Variants in CALN1 observed in about 807,000 individuals in gnomAD.
CALN1 encodes the protein calneuron 1, also known as calcium-binding protein 8.
CALN1 carries 17 observed loss-of-function variants against 30.6 expected under a neutral mutation model. The ratio of observed to expected loss-of-function variants is 0.56; its 90% CI spans 0.38 to 0.83. CALN1 has a LOEUF of 0.83. Ranked by LOEUF, CALN1 falls within the 40% of genes least tolerant of loss-of-function variation. The probability of loss-of-function intolerance (pLI) is 0.00; values close to 1 mark genes in which losing one functional copy is unlikely to be tolerated. For missense variants in CALN1, 291 were observed against 354.9 expected (o/e 0.82, Z 1.45); for synonymous variants, 156 against 131.4 (o/e 1.19, Z -1.28).
At chr7:72,339,254 T>A (rs1802273300) in intron 2 of CALN1, among the ~76,000 whole-genome samples, 1 of 152,188 alleles carries the variant, frequency 6.6e-6, no homozygotes, top group South Asian at 2.1e-4. Flanking sequence ...TCTTAACTAT[T>A]ATAAACAGTG....
chr7:72,219,362 A>C (rs1279333038), intron 3 of CALN1, among the ~76,000 whole-genome samples: 1 of 152,120 alleles, frequency 6.6e-6, no homozygotes, highest in Non-Finnish European at 1.5e-5. Flanking sequence ...AGCAGCTAGG[A>C]CTACAGGTGC....
intron 4 of CALN1, among the ~76,000 whole-genome samples, chr7:72,099,059 G>C (rs753300840): frequency 6.6e-6 from 1 of 152,160 alleles, no homozygotes; most frequent in Admixed American, 6.5e-5. Flanking sequence ...TTCCAGCCGG[G>C]CCTCGTGCCG....
At chr7:71,893,360 T>C (rs1043204765) in intron 5 of CALN1, among the ~76,000 whole-genome samples, 5 of 152,148 alleles carry the variant, frequency 3.3e-5, no homozygotes, top group Admixed American at 1.3e-4. Flanking sequence ...GGAGAAACCC[T>C]ATTTTAAACT....
the CALN1 span, among the ~76,000 whole-genome samples, chr7:72,496,038 A>T: frequency 6.6e-6 from 1 of 152,182 alleles, no homozygotes; most frequent in Admixed American, 6.5e-5. Context: ...CTCCTGCCTC[A>T]GTCTCCCAAG....
chr7:71,869,646 G>C (rs1289202140), intron 5 of CALN1, among the ~76,000 whole-genome samples: 1 of 152,154 alleles, frequency 6.6e-6, no homozygotes, highest in Admixed American at 6.5e-5. Context: ...TTGAAGTCTA[G>C]AGTGGGCAAA....
chr7:71,913,098 C>G (rs562968383), intron 5 of CALN1, among the ~76,000 whole-genome samples: 20 of 152,188 alleles, frequency 1.3e-4, no homozygotes, highest in African/African-American at 2.2e-4. Flanking sequence ...AGGAAAAGAA[C>G]AAGACCAGGA....
the CALN1 span, among the ~76,000 whole-genome samples, chr7:72,499,312 T>G: frequency 1.3e-5 from 2 of 152,172 alleles, no homozygotes; most frequent in Non-Finnish European, 2.9e-5. Context: ...ATTACAGGCA[T>G]GAGCCACTAT....
intron 4 of CALN1, among the ~76,000 whole-genome samples, chr7:72,031,389 A>G (rs1801427178): frequency 6.6e-6 from 1 of 152,218 alleles, no homozygotes; most frequent in African/African-American, 2.4e-5. Flanking sequence ...TGTGCCAGGC[A>G]CTGAGCTCAG....
At chr7:71,937,337 C>T (rs1260003504) in intron 5 of CALN1, among the ~76,000 whole-genome samples, 1 of 151,450 alleles carries the variant, frequency 6.6e-6, no homozygotes, top group Admixed American at 6.6e-5. Flanking sequence ...AAAAAAAAAC[C>T]CCATACGTAT....
Position 71,787,405 on chromosome 7 carries a change from T to TA in CALN1, c.*369_*370insT. On this transcript the variant is annotated 3_prime_UTR_variant, in exon 7 of 7. Coordinates refer to ENST00000395275, the MANE Select transcript of CALN1 (RefSeq NM_031468.4). ...AGAATGGGGAGTGGAGGTGACTGTG[T>TA]GTTCATGCCTCTCTCTTGCTCTCTC... is the stretch of plus-strand genomic sequence containing the variant. 9.2e-5 allele frequency: 18 copies of TA among 194,928 alleles called. No individual in the cohort carries two copies. The highest frequency in any genetic ancestry group is 4.2e-4 in the South Asian group (4 of 9,534). The allele number at this position is 194,928 out of a possible 1,614,324, so 12.1% of individuals were successfully genotyped here.
At chr7:71,907,940 A>G (rs758232266) in intron 5 of CALN1, among the ~76,000 whole-genome samples, 2 of 152,260 alleles carry the variant, frequency 1.3e-5, no homozygotes, top group Non-Finnish European at 2.9e-5. Flanking sequence ...ATGTGTATGC[A>G]TATGCGTGTG....
intron 2 of CALN1, chr7:72,336,945 C>T (rs1802100307): frequency 3.0e-6 from 3 of 985,092 alleles, no homozygotes; most frequent in South Asian, 4.7e-5. Context: ...CTGCACGAGC[C>T]CCCTCGTCGA....
chr7:71,876,568 G>A (rs886985505), intron 5 of CALN1, among the ~76,000 whole-genome samples: 1 of 152,016 alleles, frequency 6.6e-6, no homozygotes, highest in Non-Finnish European at 1.5e-5. Context: ...CATAAATGAG[G>A]GTATAGAGCT....
chr7:72,032,517 G>A (rs1001744334), intron 4 of CALN1, among the ~76,000 whole-genome samples: 1 of 152,114 alleles, frequency 6.6e-6, no homozygotes, highest in African/African-American at 2.4e-5. Context: ...CCCCCGTATT[G>A]TACTGCCTTC....
At chr7:71,986,094 C>G (rs1188616054) in intron 5 of CALN1, among the ~76,000 whole-genome samples, 5 of 151,882 alleles carry the variant, frequency 3.3e-5, no homozygotes, top group African/African-American at 1.2e-4. Context: ...TGCACCTAGG[C>G]TGGAGTGCAG....
chr7:72,315,231 AT>A (rs558688877), intron 2 of CALN1, among the ~76,000 whole-genome samples: 307 of 151,132 alleles, frequency 2.0e-3, no homozygotes, highest in Non-Finnish European at 3.1e-3. Context: ...AACATAGAAA[AT>A]TTTGCAACAT....
chr7:72,399,313 C>CA (rs1483172235), intron 2 of CALN1, among the ~76,000 whole-genome samples: 1 of 141,880 alleles, frequency 7.0e-6, no homozygotes, highest in African/African-American at 2.7e-5. Context: ...ACTCTGTCAC[C>CA]AGGCTGGAGT....
At chr7:72,272,890 T>A (rs1797087845) in intron 3 of CALN1, among the ~76,000 whole-genome samples, 1 of 152,072 alleles carries the variant, frequency 6.6e-6, no homozygotes, top group Admixed American at 6.6e-5. Context: ...CATCCTGGGT[T>A]ATCTATACAG....
chr7:72,413,435 T>C (rs1401974865), upstream of CALN1, among the ~76,000 whole-genome samples: 1 of 151,752 alleles, frequency 6.6e-6, no homozygotes, highest in East Asian at 1.9e-4. Flanking sequence ...TACACTCACA[T>C]AGACTCACAT....
Sources: gnomAD v4.1 joint callset for allele counts (sites outside exome capture counted in the v4.1 genomes callset) on GRCh38, gnomAD v4.1.1 for gene constraint, MANE v1.5 for transcripts, NCBI Gene and HGNC (gene_info 2026-07-23, HGNC 2026-07-21) for gene names.